The following TMEM116 variants were observed in gnomAD, a reference collection of about 807,000 sequenced individuals.
TMEM116 encodes transmembrane protein 116.
Under a neutral mutation model 44.3 loss-of-function variants are expected in TMEM116, and 38 were observed. The observed-to-expected ratio is 0.86, with a 90% CI of 0.66 to 1.12. TMEM116 has a LOEUF of 1.12. TMEM116 is among the 50% of genes most tolerant of loss of function. TMEM116 has a pLI of 0.00. For synonymous variants in TMEM116, 132 were observed against 144.8 expected, an observed-to-expected ratio of 0.91 and a Z score of 0.64; for missense variants, 354 against 401.7, an observed-to-expected ratio of 0.88 and a Z score of 1.01.
rs534287475 is a variant in TMEM116 at position 111,937,284 on chromosome 12, T to C, written c.366-41A>G. On this transcript the variant is annotated intron_variant, in intron 6 of 10. Coordinates refer to ENST00000552374, the MANE Select transcript of TMEM116 (RefSeq NM_001193531.2). ...AGTATCACCCTAATATCCACTCTTT[T>C]TCATGCCCTTCCTCCTTTGAAGAAT... 2.1e-6 allele frequency: 3 copies of C among 1,460,560 alleles called. No homozygotes were observed. The South Asian group carries it at 3.5e-5, about 17-fold the overall frequency. The allele number at this position is 1,460,560 out of a possible 1,614,324, so 90.5% of individuals were successfully genotyped here.
In TMEM116 at chr12:111,999,962, C is replaced by T. The variant is rs1011627621; in HGVS notation, c.78+3838G>A. ...CTGCTCTTGCAGGCTAATATTTATGCTGCTTTTTTTTGTTTAAAGTCATCA... is the reference window on the plus strand; with the variant it reads ...CTGCTCTTGCAGGCTAATATTTATGTTGCTTTTTTTTGTTTAAAGTCATCA... On this transcript the variant is annotated intron_variant, in intron 3 of 10. Transcript: ENST00000552374. Among the ~76,000 whole-genome samples the T allele has an allele frequency of 7.2e-5, 11 of 152,264 alleles. No homozygotes were observed. The East Asian group carries it at 1.3e-3, about 19-fold the overall frequency.
At position 111,978,846 on chromosome 12, in the gene TMEM116, T is replaced by C. The variant is rs1054199010; in HGVS notation, c.210+12912A>G. 62 of 401,404 alleles carry C rather than the reference T, an allele frequency of 1.5e-4. 2 individuals carry two copies. The highest frequency in any genetic ancestry group is 1.5e-3 in the Admixed American group (56 of 36,598). The allele number at this position is 401,404 out of a possible 1,614,324, so 24.9% of individuals were successfully genotyped here. ...ACATTGTATGGTAATTTGTTATAGC[T>C]GCCTGAACTAAGACACCATGCAGAC... On this transcript the variant is annotated intron_variant, in intron 4 of 10. Transcript: ENST00000552374.
chr12:111,941,543 C>T (rs2072820736), intron 5 of TMEM116, among the ~76,000 whole-genome samples: 1 of 152,124 alleles, frequency 6.6e-6, no homozygotes, highest in African/African-American at 2.4e-5. Flanking sequence ...CTCAATCACA[C>T]TAGCCACATT....
chr12:111,985,435 A>G (rs780643473), intron 4 of TMEM116, among the ~76,000 whole-genome samples: 1 of 152,202 alleles, frequency 6.6e-6, no homozygotes, highest in Admixed American at 6.5e-5. Flanking sequence ...TCCATTTACA[A>G]TATCATTAAA....
chr12:111,970,214 A>T (rs1230931529), intron 4 of TMEM116, among the ~76,000 whole-genome samples: 1 of 151,632 alleles, frequency 6.6e-6, no homozygotes, highest in East Asian at 1.9e-4. Flanking sequence ...GGGAGGCAGA[A>T]GTTGCAGTAA....
At chr12:111,984,936 C>T (rs1357011492) in intron 4 of TMEM116, among the ~76,000 whole-genome samples, 3 of 151,946 alleles carry the variant, frequency 2.0e-5, no homozygotes, top group Admixed American at 2.0e-4. Flanking sequence ...TAAATCATTT[C>T]ATAAACGAAA....
At chr12:111,934,141 C>A in intron 8 of TMEM116, 111 bp from the exon 9 acceptor site, 1 of 1,217,622 alleles carries the variant, frequency 8.2e-7, no homozygotes, top group Non-Finnish European at 1.1e-6. Context: ...ACAACAGGAA[C>A]GACCCCATTC....
intron 4 of TMEM116, among the ~76,000 whole-genome samples, chr12:111,981,236 C>A (rs1253512913): frequency 2.0e-5 from 3 of 152,072 alleles, no homozygotes; most frequent in Non-Finnish European, 4.4e-5. Context: ...TGGATAAAAA[C>A]CAGTCAAAAC....
At chr12:111,972,077 A>G (rs1233295599) in intron 4 of TMEM116, among the ~76,000 whole-genome samples, 7 of 82,330 alleles carry the variant, frequency 8.5e-5, no homozygotes, top group African/African-American at 1.3e-4. Context: ...CCTATCTGTG[A>G]AAAAAAAAAA....
intron 4 of TMEM116, among the ~76,000 whole-genome samples, chr12:111,944,881 G>C (rs902316047): frequency 6.6e-6 from 1 of 151,940 alleles, no homozygotes; most frequent in Non-Finnish European, 1.5e-5. Flanking sequence ...GACCAAATTA[G>C]CTGTACATAA....
At chr12:111,952,702 C>T (rs923840149) in intron 4 of TMEM116, among the ~76,000 whole-genome samples, 1 of 152,152 alleles carries the variant, frequency 6.6e-6, no homozygotes, top group Non-Finnish European at 1.5e-5. Context: ...AGCCTCCCAG[C>T]CTACATCTTT....
At chr12:111,969,810 C>T (rs2136448536) in intron 4 of TMEM116, among the ~76,000 whole-genome samples, 1 of 152,090 alleles carries the variant, frequency 6.6e-6, no homozygotes, top group African/African-American at 2.4e-5. Flanking sequence ...AAACTGCTGA[C>T]CTCAAGTGAT....
chr12:111,970,284 CAA>C (rs751491194), intron 4 of TMEM116, among the ~76,000 whole-genome samples: 12 of 114,358 alleles, frequency 1.0e-4, no homozygotes, highest in Non-Finnish European at 1.1e-4. Context: ...ACTCCATCTC[CAA>C]AAAAAAAAAA....
chr12:111,933,818 C>A (rs2071877395), intron 9 of TMEM116, 68 bp downstream of exon 9: 2 of 1,586,692 alleles, frequency 1.3e-6, no homozygotes, highest in Non-Finnish European at 1.7e-6. Flanking sequence ...CTTAGTGAGA[C>A]CACTTTGCTT....
chr12:111,981,627 C>T lies in TMEM116; in HGVS notation c.210+10131G>A, dbSNP rs532006221. The stretch of plus-strand genomic sequence containing the variant: ...TACTTAGAGGCAAATACATTAGCCA[C>T]AGCCTTCTGGGGCAAGGGACAACAG... On this transcript the variant is annotated intron_variant, in intron 4 of 10. Coordinates refer to ENST00000552374, the MANE Select transcript of TMEM116 (RefSeq NM_001193531.2). 2.0e-4 allele frequency among the ~76,000 whole-genome samples: 31 copies of T among 152,258 alleles called. No individual in the cohort carries two copies. In the South Asian group the frequency reaches 5.4e-3, roughly 26 times the overall value.
chr12:111,938,104 T>C (rs1421770204), intron 6 of TMEM116, 57 bp downstream of exon 6: 5 of 1,241,862 alleles, frequency 4.0e-6, no homozygotes, highest in Non-Finnish European at 5.7e-6. Flanking sequence ...TGTTCCCACC[T>C]GAACACCAGA....
At chr12:112,011,120 T>C (rs949106751) in intron 1 of TMEM116, 1 of 152,278 alleles carries the variant, frequency 6.6e-6, no homozygotes, top group Non-Finnish European at 1.5e-5. Context: ...TAGGGTGTCT[T>C]GCTGGTCCCC....
intron 1 of TMEM116, 76 bp from the exon 2 acceptor site, chr12:112,005,379 T>C (rs1046197039): frequency 4.8e-6 from 5 of 1,031,586 alleles, no homozygotes; most frequent in Non-Finnish European, 5.0e-6. Context: ...TTATTAACTA[T>C]CTGTACAGCA....
intron 4 of TMEM116, among the ~76,000 whole-genome samples, chr12:111,956,067 CA>C (rs1438129828): frequency 6.6e-6 from 1 of 152,136 alleles, no homozygotes; most frequent in African/African-American, 2.4e-5. Flanking sequence ...AGGTAAGTTC[CA>C]GAATTAAAAA....
Sources: gnomAD v4.1 joint callset for allele counts (sites outside exome capture counted in the v4.1 genomes callset) on GRCh38, gnomAD v4.1.1 for gene constraint, MANE v1.5 for transcripts, NCBI Gene and HGNC (gene_info 2026-07-23, HGNC 2026-07-21) for gene names.